EXOC6B: variants seen among roughly 807,000 people sequenced by gnomAD.
The protein encoded by EXOC6B is exocyst complex component 6B.
A neutral mutation model predicts 113.5 loss-of-function variants in EXOC6B; 54 were observed. The ratio of observed to expected loss-of-function variants is 0.48; its 90% CI spans 0.38 to 0.60. EXOC6B has a LOEUF of 0.60. Ranked by LOEUF, EXOC6B falls within the 20% of genes least tolerant of loss-of-function variation. The probability of loss-of-function intolerance (pLI) is 0.00; values close to 1 mark genes in which losing one functional copy is unlikely to be tolerated. For synonymous variants in EXOC6B, 357 were observed against 339.0 expected (o/e 1.05, Z -0.58); for missense variants, 797 against 977.5 (o/e 0.82, Z 2.46).
At chr2:72,823,483 A>G (rs1251767613) in intron 1 of EXOC6B, among the ~76,000 whole-genome samples, 1 of 138,276 alleles carries the variant, frequency 7.2e-6, no homozygotes, top group African/African-American at 2.8e-5. Context: ...AAAAAACAAA[A>G]AACAAAAAAA....
At chr2:72,628,692 T>C (rs1416412648) in intron 6 of EXOC6B, among the ~76,000 whole-genome samples, 1 of 152,030 alleles carries the variant, frequency 6.6e-6, no homozygotes, top group Non-Finnish European at 1.5e-5. Context: ...GAGAAGATGG[T>C]AGTCTGCAAC....
chr2:72,646,578 A>G (rs1454643146), intron 6 of EXOC6B, among the ~76,000 whole-genome samples: 1 of 152,196 alleles, frequency 6.6e-6, no homozygotes, highest in Admixed American at 6.5e-5. Flanking sequence ...CCAATCCAGC[A>G]GCACATCAAA....
chr2:72,253,452 C>T (rs1404023246), intron 20 of EXOC6B, among the ~76,000 whole-genome samples: 1 of 152,144 alleles, frequency 6.6e-6, no homozygotes, highest in Non-Finnish European at 1.5e-5. Context: ...ACCTAAATGC[C>T]TATCAATGGT....
intron 6 of EXOC6B, among the ~76,000 whole-genome samples, chr2:72,705,749 C>A (rs1161574666): frequency 7.2e-6 from 1 of 139,198 alleles, no homozygotes; most frequent in African/African-American, 2.7e-5. Flanking sequence ...TAAAAAGGAA[C>A]AACTTAGGTG....
At chr2:72,689,108 T>C (rs1677300670) in intron 6 of EXOC6B, among the ~76,000 whole-genome samples, 1 of 152,226 alleles carries the variant, frequency 6.6e-6, no homozygotes, top group Admixed American at 6.5e-5. Context: ...AATAATTATG[T>C]CAATTCTCTG....
intron 20 of EXOC6B, among the ~76,000 whole-genome samples, chr2:72,272,285 T>G (rs1402494298): frequency 1.3e-5 from 2 of 152,114 alleles, no homozygotes; most frequent in Admixed American, 6.6e-5. Flanking sequence ...TCCTGTTGGG[T>G]TTCTTCATCC....
intron 6 of EXOC6B, among the ~76,000 whole-genome samples, chr2:72,695,941 A>G (rs13419598): frequency 0.012 from 1,780 of 152,288 alleles, 30 homozygotes; most frequent in African/African-American, 0.041. Flanking sequence ...GCACTTAACT[A>G]TTCCACATCA....
At chr2:72,341,675 T>C (rs1042762464) in intron 19 of EXOC6B, among the ~76,000 whole-genome samples, 14 of 152,118 alleles carry the variant, frequency 9.2e-5, no homozygotes, top group African/African-American at 3.4e-4. Flanking sequence ...TTTTTAACAG[T>C]GGATAGATCA....
intron 20 of EXOC6B, among the ~76,000 whole-genome samples, chr2:72,209,937 T>A (rs1680082530): frequency 6.6e-6 from 1 of 152,214 alleles, no homozygotes; most frequent in Non-Finnish European, 1.5e-5. Flanking sequence ...TGATAAGATT[T>A]TTATGTTGTT....
At chr2:72,215,550 T>G (rs569867545) in intron 20 of EXOC6B, among the ~76,000 whole-genome samples, 1 of 152,144 alleles carries the variant, frequency 6.6e-6, no homozygotes, top group Non-Finnish European at 1.5e-5. Context: ...GACTGAAATC[T>G]AAAGAAAGAC....
At chr2:72,451,930 G>A (rs922893548) in intron 18 of EXOC6B, among the ~76,000 whole-genome samples, 5 of 151,992 alleles carry the variant, frequency 3.3e-5, no homozygotes, top group Non-Finnish European at 7.4e-5. Flanking sequence ...ACAGAAGAGT[G>A]GAATATACCA....
chr2:72,507,582 TAAAATA>T (rs1316419782), intron 11 of EXOC6B, among the ~76,000 whole-genome samples: 2 of 151,990 alleles, frequency 1.3e-5, no homozygotes, highest in African/African-American at 4.8e-5. Context: ...AAATTAAAAT[TAAAATA>T]ATAAAATGAA....
chr2:72,184,103 G>T lies in EXOC6B; in HGVS notation c.2281C>A (p.Pro761Thr). 2 of 1,564,308 alleles carry T rather than the reference G, an allele frequency of 1.3e-6. No homozygotes were observed. Among genetic ancestry groups the T allele is most frequent in the East Asian group, 2.4e-5 (1 of 42,176 alleles). Residue 761 changes from proline to threonine, a missense_variant, in exon 21 of 22, where the codon CCA becomes ACA. Physicochemically the swap from Pro to Thr is conservative, Grantham distance 38. Transcript: ENST00000272427. The stretch of plus-strand genomic sequence containing the variant: ...TCAAGCAGGGTCAGAGCAGTCACTG[G>T]GTTTACCCGGAGGTACTTGCAGTTG... Reference protein sequence around the residue: ...QPNCKYLRVNPVTALTLLEKM... With the variant: ...QPNCKYLRVNTVTALTLLEKM...
intron 1 of EXOC6B, among the ~76,000 whole-genome samples, chr2:72,810,095 A>G (rs977752113): frequency 1.3e-5 from 2 of 152,192 alleles, no homozygotes; most frequent in Non-Finnish European, 2.9e-5. Flanking sequence ...ACAGAAAGAT[A>G]GGAAATGTCC....
intron 20 of EXOC6B, among the ~76,000 whole-genome samples, chr2:72,210,752 G>A (rs1407110683): frequency 1.3e-5 from 2 of 152,288 alleles, no homozygotes; most frequent in Middle Eastern, 3.4e-3. Context: ...TTTTCTTGTG[G>A]GCAGCAGCAA....
At chr2:72,685,197 T>G (rs1161732028) in intron 6 of EXOC6B, among the ~76,000 whole-genome samples, 1 of 152,178 alleles carries the variant, frequency 6.6e-6, no homozygotes, top group African/African-American at 2.4e-5. Context: ...GGTTGTTGAC[T>G]ACACAATTTT....
At chr2:72,204,373 C>A (rs1358249614) in intron 20 of EXOC6B, among the ~76,000 whole-genome samples, 1 of 152,090 alleles carries the variant, frequency 6.6e-6, no homozygotes, top group Admixed American at 6.5e-5. Context: ...TCTCTGCTTT[C>A]TGTTGCTGTT....
intron 6 of EXOC6B, among the ~76,000 whole-genome samples, chr2:72,700,657 G>A (rs551209027): frequency 9.8e-5 from 15 of 152,312 alleles, no homozygotes; most frequent in African/African-American, 3.4e-4. Flanking sequence ...CCACATAACT[G>A]TATACTTAAA....
chr2:72,666,735 A>G (rs1400862243), intron 6 of EXOC6B, among the ~76,000 whole-genome samples: 3 of 151,164 alleles, frequency 2.0e-5, no homozygotes, highest in Non-Finnish European at 2.9e-5. Flanking sequence ...CACCAATTAC[A>G]TTATAGCAGA....
Sources: gnomAD v4.1 joint callset for allele counts (sites outside exome capture counted in the v4.1 genomes callset) on GRCh38, gnomAD v4.1.1 for gene constraint, MANE v1.5 for transcripts, NCBI Gene and HGNC (gene_info 2026-07-23, HGNC 2026-07-21) for gene names.